The following TENM3 variants were observed in gnomAD, a reference collection of about 807,000 sequenced individuals.
The protein encoded by TENM3 is teneurin transmembrane protein 3, also known as teneurin-3.
In TENM3, 63 loss-of-function variants were observed where a neutral mutation model predicts 255.1. That is an observed-to-expected ratio of 0.25 (90% CI 0.20 to 0.30). The LOEUF (loss-of-function observed/expected upper bound fraction) is 0.30, where lower values mean the gene tolerates loss of function less well. TENM3 is among the 10% of genes least tolerant of loss of function. The pLI is 1.00. For synonymous variants in TENM3, 1,306 were observed against 1,322.3 expected (o/e 0.99, Z 0.27); for missense variants, 2,929 against 3,461.1 (o/e 0.85, Z 3.86).
chr4:181,900,432 A>G, the TENM3 span, among the ~76,000 whole-genome samples: 1 of 152,228 alleles, frequency 6.6e-6, no homozygotes, highest in African/African-American at 2.4e-5. Flanking sequence ...TCTTTCACAT[A>G]TCATATATAA....
At chr4:181,633,952 A>T in the TENM3 span, among the ~76,000 whole-genome samples, 2 of 151,058 alleles carry the variant, frequency 1.3e-5, no homozygotes, top group Non-Finnish European at 2.9e-5. Context: ...TTTCAGGGAA[A>T]GGGAAGAAGA....
chr4:181,927,049 A>T, the TENM3 span, among the ~76,000 whole-genome samples: 1 of 152,130 alleles, frequency 6.6e-6, no homozygotes, highest in South Asian at 2.1e-4. Flanking sequence ...TGCCTATGCC[A>T]CCAGAGCCCT....
the TENM3 span, among the ~76,000 whole-genome samples, chr4:182,088,434 G>C: frequency 2.8e-4 from 42 of 152,102 alleles, no homozygotes; most frequent in Admixed American, 2.7e-3. Flanking sequence ...CAGTGTCAAA[G>C]GCATTCAGCT....
At chr4:181,612,522 G>A in the TENM3 span, among the ~76,000 whole-genome samples, 1 of 141,292 alleles carries the variant, frequency 7.1e-6, no homozygotes, top group Non-Finnish European at 1.5e-5. Context: ...GTGTGTGTGT[G>A]TCAGAGAGAG....
intron 4 of TENM3, among the ~76,000 whole-genome samples, chr4:182,609,894 G>A (rs1748824253): frequency 6.6e-6 from 1 of 152,148 alleles, no homozygotes; most frequent in Non-Finnish European, 1.5e-5. Context: ...CTTAGGCTAT[G>A]TGTTTAAAGG....
At chr4:182,069,999 A>G in the TENM3 span, among the ~76,000 whole-genome samples, 1 of 152,212 alleles carries the variant, frequency 6.6e-6, no homozygotes, top group Non-Finnish European at 1.5e-5. Flanking sequence ...TGATTATTAA[A>G]TAAGAGTTTG....
intron 3 of TENM3, among the ~76,000 whole-genome samples, chr4:182,600,474 TA>T (rs928172742): frequency 2.8e-4 from 42 of 152,296 alleles, no homozygotes; most frequent in African/African-American, 8.7e-4. Context: ...AAATAAAGCT[TA>T]AAAAAACTCC....
chr4:181,765,869 GA>G, the TENM3 span, among the ~76,000 whole-genome samples: 6 of 152,178 alleles, frequency 3.9e-5, no homozygotes, highest in Admixed American at 2.0e-4. Context: ...ATACAGTGTG[GA>G]AGAGGCACTA....
chr4:182,103,030 T>C, the TENM3 span, among the ~76,000 whole-genome samples: 1 of 152,384 alleles, frequency 6.6e-6, no homozygotes, highest in Middle Eastern at 3.4e-3. Flanking sequence ...ACTCTGTTTA[T>C]TCTTTCCATT....
chr4:181,635,778 CT>C, the TENM3 span, among the ~76,000 whole-genome samples: 1 of 152,122 alleles, frequency 6.6e-6, no homozygotes, highest in African/African-American at 2.4e-5. Context: ...GGTGCAAGAG[CT>C]TTAAAAAAAT....
At chr4:182,591,770 G>T (rs1048560252) in intron 3 of TENM3, among the ~76,000 whole-genome samples, 2 of 152,102 alleles carry the variant, frequency 1.3e-5, no homozygotes, top group African/African-American at 4.8e-5. Context: ...GTAAAATGAG[G>T]TCTTTCTTTT....
At chr4:181,850,076 C>T in the TENM3 span, among the ~76,000 whole-genome samples, 2 of 151,084 alleles carry the variant, frequency 1.3e-5, no homozygotes, top group Non-Finnish European at 1.5e-5. Context: ...TCTCTCTTTC[C>T]CTCCCTCCGT....
At chr4:182,591,197 AG>A (rs373337279) in intron 3 of TENM3, among the ~76,000 whole-genome samples, 118 of 152,298 alleles carry the variant, frequency 7.7e-4, no homozygotes, top group African/African-American at 1.7e-3. Flanking sequence ...TAGGTAATCT[AG>A]GTTGCCGCAT....
At chr4:182,000,083 G>A in the TENM3 span, among the ~76,000 whole-genome samples, 4 of 151,924 alleles carry the variant, frequency 2.6e-5, no homozygotes, top group South Asian at 2.1e-4. Context: ...ACATTCTAGC[G>A]CTGGATTTTC....
chr4:182,154,269 G>A (rs751042529), intron 1 of TENM3, among the ~76,000 whole-genome samples: 1 of 151,386 alleles, frequency 6.6e-6, no homozygotes, highest in African/African-American at 2.4e-5. Flanking sequence ...TTAGGCCCTC[G>A]TTATTACTTT....
At chr4:181,756,685 G>A in the TENM3 span, among the ~76,000 whole-genome samples, 2 of 152,342 alleles carry the variant, frequency 1.3e-5, no homozygotes, top group East Asian at 3.9e-4. Flanking sequence ...CTGCACGAAA[G>A]CAAATGTTAG....
chr4:182,032,511 T>G, the TENM3 span, among the ~76,000 whole-genome samples: 148,324 of 152,062 alleles, frequency 0.98, 72,458 homozygotes, highest in East Asian at 1. Context: ...CTGAAGTTTT[T>G]TTGTTGTTGA....
At chr4:182,231,071 T>C (rs1207366744) in intron 1 of TENM3, among the ~76,000 whole-genome samples, 2 of 151,790 alleles carry the variant, frequency 1.3e-5, no homozygotes, top group Non-Finnish European at 2.9e-5. Context: ...TACCGGGGCC[T>C]CCTTGTGTTC....
At chr4:181,528,134 GA>G in the TENM3 span, among the ~76,000 whole-genome samples, 1 of 151,112 alleles carries the variant, frequency 6.6e-6, no homozygotes, top group Non-Finnish European at 1.5e-5. Flanking sequence ...AACATTCTGT[GA>G]TTTAAAATTT....
Sources: gnomAD v4.1 joint callset for allele counts (sites outside exome capture counted in the v4.1 genomes callset) on GRCh38, gnomAD v4.1.1 for gene constraint, MANE v1.5 for transcripts, NCBI Gene and HGNC (gene_info 2026-07-23, HGNC 2026-07-21) for gene names.